Variants in AATF observed in about 807,000 individuals in gnomAD.
AATF encodes apoptosis antagonizing transcription factor, also known as protein AATF.
In AATF, 48 loss-of-function variants were observed where a neutral mutation model predicts 63.7. That is an observed-to-expected ratio of 0.75 (90% CI 0.60 to 0.96). The LOEUF (loss-of-function observed/expected upper bound fraction) is 0.96. Among genes scored for constraint, AATF ranks in the 40% least tolerant of loss-of-function variants. AATF has a pLI of 0.00. For synonymous variants in AATF, 258 were observed against 247.7 expected (o/e 1.04, Z -0.39); for missense variants, 639 against 685.7 (o/e 0.93, Z 0.76).
chr17:37,036,807 G>A (rs551983071), intron 11 of AATF, among the ~76,000 whole-genome samples: 6 of 152,132 alleles, frequency 3.9e-5, no homozygotes, highest in Admixed American at 2.0e-4. Flanking sequence ...TCCAGTATGA[G>A]GTTACAGATG....
At chr17:37,044,592 G>T (rs1228393312) in intron 11 of AATF, among the ~76,000 whole-genome samples, 1 of 152,034 alleles carries the variant, frequency 6.6e-6, no homozygotes, top group African/African-American at 2.4e-5. Flanking sequence ...TATACTATAG[G>T]TTTTCTGTGC....
At chr17:36,963,074 G>A (rs1013196789) in intron 4 of AATF, among the ~76,000 whole-genome samples, 1 of 152,054 alleles carries the variant, frequency 6.6e-6, no homozygotes, top group Non-Finnish European at 1.5e-5. Context: ...AGCCAAGATC[G>A]CACCATTGCA....
At position 36,953,208 on chromosome 17, in the gene AATF, C is replaced by G; in HGVS notation, c.606C>G (p.Asn202Lys). Residue 202 changes from asparagine (N) to lysine (K), a missense_variant, in exon 3 of 12, where the codon AAC (asparagine) becomes AAG (lysine). Coordinates refer to ENST00000619387, the MANE Select transcript of AATF (RefSeq NM_012138.4). ...AGGAAGACAGGGCTGGAGATAGAAACAGTGAGGATGATGGTGTGGTGATGA... is the reference window on the plus strand; with the variant it reads ...AGGAAGACAGGGCTGGAGATAGAAAGAGTGAGGATGATGGTGTGGTGATGA... Reference protein sequence around the residue: ...ESEEDRAGDRNSEDDGVVMTF... With the variant: ...ESEEDRAGDRKSEDDGVVMTF... 2 of 1,614,126 alleles carry G rather than the reference C, an allele frequency of 1.2e-6. No individual in the cohort carries two copies. The highest frequency in any genetic ancestry group is 3.3e-5 in the Admixed American group (2 of 60,012).
At chr17:36,997,792 C>A (rs936982546) in intron 8 of AATF, among the ~76,000 whole-genome samples, 12 of 152,178 alleles carry the variant, frequency 7.9e-5, no homozygotes, top group African/African-American at 2.9e-4. Flanking sequence ...TATAGCAGAA[C>A]AATTCACAAT....
chr17:36,963,190 T>G (rs936438444), intron 4 of AATF, among the ~76,000 whole-genome samples: 1 of 152,174 alleles, frequency 6.6e-6, no homozygotes, highest in African/African-American at 2.4e-5. Context: ...GCCTGCCACT[T>G]TATTCAGTGA....
chr17:37,028,470 C>T (rs866584997), intron 10 of AATF, among the ~76,000 whole-genome samples: 23 of 152,112 alleles, frequency 1.5e-4, no homozygotes, highest in Middle Eastern at 6.8e-3. Flanking sequence ...AACAAGGATA[C>T]ATAGAGGCCT....
chr17:37,020,918 C>A lies in AATF; in HGVS notation c.1467-16C>A, dbSNP rs2301686. The A allele has an allele frequency of 0.16, 249,119 of 1,604,166 alleles. 20,251 individuals carry two copies. The highest frequency in any genetic ancestry group is 0.16 in the Non-Finnish European group (193,036 of 1,174,048). Reference sequence around the variant, plus strand: ...CTGTTAGTGATGATGCATAACATTGCTTGTGAATTTTCCAGGCAGTGGCTT... The same window carrying A: ...CTGTTAGTGATGATGCATAACATTGATTGTGAATTTTCCAGGCAGTGGCTT... On this transcript the variant is annotated splice_polypyrimidine_tract_variant and intron_variant, in intron 9 of 11. Coordinates refer to ENST00000619387, the MANE Select transcript of AATF (RefSeq NM_012138.4).
intron 4 of AATF, among the ~76,000 whole-genome samples, chr17:36,972,949 A>G (rs558171272): frequency 6.6e-6 from 1 of 152,164 alleles, no homozygotes; most frequent in Admixed American, 6.5e-5. Flanking sequence ...AATGCAAGTC[A>G]GAACTTGCAA....
intron 4 of AATF, among the ~76,000 whole-genome samples, chr17:36,976,075 A>G (rs1334355707): frequency 1.3e-5 from 2 of 152,142 alleles, no homozygotes; most frequent in Non-Finnish European, 2.9e-5. Flanking sequence ...AAGTTTGGAC[A>G]TGACATTTTA....
At chr17:36,968,990 T>C (rs746969429) in intron 4 of AATF, among the ~76,000 whole-genome samples, 1 of 152,228 alleles carries the variant, frequency 6.6e-6, no homozygotes, top group Non-Finnish European at 1.5e-5. Flanking sequence ...TTTTTTGTTG[T>C]TGTTTTTTTG....
intron 8 of AATF, among the ~76,000 whole-genome samples, chr17:36,992,039 A>G (rs118018018): frequency 0.014 from 2,166 of 152,304 alleles, 29 homozygotes; most frequent in Non-Finnish European, 0.024. Flanking sequence ...TTAATGTGCT[A>G]GCTTTAGCCA....
intron 5 of AATF, 79 bp from the exon 6 acceptor site, chr17:36,988,440 G>T (rs1356792693): frequency 4.3e-6 from 6 of 1,389,686 alleles, no homozygotes; most frequent in Non-Finnish European, 5.9e-6. Context: ...AATATTCTCA[G>T]TCCTTTATGT....
At chr17:36,971,117 T>C (rs1236323343) in intron 4 of AATF, among the ~76,000 whole-genome samples, 1 of 152,172 alleles carries the variant, frequency 6.6e-6, no homozygotes, top group Non-Finnish European at 1.5e-5. Context: ...GTGAAAGATA[T>C]GTTAAAATAA....
At chr17:37,031,535 T>G in intron 10 of AATF, 79 bp from the exon 11 acceptor site, 1 of 1,176,260 alleles carries the variant, frequency 8.5e-7, no homozygotes, top group Non-Finnish European at 1.3e-6. Context: ...TTCTGGAGTT[T>G]GTTAACTCAC....
intron 4 of AATF, among the ~76,000 whole-genome samples, chr17:36,969,802 T>C (rs2142223252): frequency 1.3e-5 from 2 of 152,320 alleles, no homozygotes; most frequent in Middle Eastern, 6.8e-3. Context: ...TTTATAATCT[T>C]TCCCTCCTGG....
intron 5 of AATF, among the ~76,000 whole-genome samples, chr17:36,987,305 A>T (rs985155755): frequency 6.6e-6 from 1 of 152,150 alleles, no homozygotes; most frequent in African/African-American, 2.4e-5. Flanking sequence ...GCACATTTTT[A>T]AAATATTAAT....
chr17:36,951,301 A>G (rs1213648185), intron 2 of AATF, among the ~76,000 whole-genome samples: 6 of 152,172 alleles, frequency 3.9e-5, no homozygotes, highest in Admixed American at 3.3e-4. Context: ...AGCTCATTTC[A>G]TATTCTTTGC....
chr17:36,960,969 A>C (rs1315974255), intron 4 of AATF, among the ~76,000 whole-genome samples: 90 of 152,230 alleles, frequency 5.9e-4, no homozygotes, highest in Non-Finnish European at 2.9e-5. Context: ...GATTAGCTGT[A>C]ATCCTACTGC....
intron 11 of AATF, 99 bp from the exon 12 acceptor site, chr17:37,056,502 C>G (rs754393693): frequency 8.1e-7 from 1 of 1,240,722 alleles, no homozygotes; most frequent in East Asian, 2.4e-5. Context: ...GTGTTTTCAA[C>G]AGAAGAAACA....
Sources: allele counts gnomAD v4.1 joint callset (sites outside exome capture counted in the v4.1 genomes callset), GRCh38; gene constraint gnomAD v4.1.1; transcripts MANE v1.5; gene names NCBI Gene and HGNC (gene_info 2026-07-23, HGNC 2026-07-21).